Variants in SBK1 observed in about 807,000 individuals in gnomAD.
The protein encoded by SBK1 is serine/threonine-protein kinase SBK1.
SBK1 carries 11 observed loss-of-function variants against 24.4 expected under a neutral mutation model. That is an observed-to-expected ratio of 0.45 (90% CI 0.28 to 0.75). The LOEUF is 0.75. Among genes scored for constraint, SBK1 ranks in the 30% least tolerant of loss-of-function variants. The pLI, the probability that SBK1 is intolerant of heterozygous loss-of-function variation, is 0.12. For missense variants in SBK1, 467 were observed against 620.5 expected (o/e 0.75, Z 2.63); for synonymous variants, 308 against 284.4 (o/e 1.08, Z -0.83).
upstream of SBK1, chr16:28,292,474 G>C: frequency 1.1e-6 from 1 of 939,134 alleles, no homozygotes. Context: ...GCCGGAGGGC[G>C]GAGCCGCGGG....
At chr16:28,275,775 G>T (rs1218079579) in intron 1 of SBK1, among the ~76,000 whole-genome samples, 1 of 152,234 alleles carries the variant, frequency 6.6e-6, no homozygotes, top group Admixed American at 6.5e-5. Flanking sequence ...TACTCAGGAG[G>T]CTGAGGTGGG....
intron 1 of SBK1, among the ~76,000 whole-genome samples, chr16:28,306,248 G>A (rs1011358736): frequency 6.6e-6 from 1 of 152,216 alleles, no homozygotes; most frequent in Non-Finnish European, 1.5e-5. Context: ...TTCCATCATG[G>A]GGGAAGGGGA....
In SBK1 at chr16:28,321,097, A is replaced by G. The variant is rs2044841734; in HGVS notation, c.*176A>G. 1.9e-6 allele frequency: 1 copy of G among 539,960 alleles called. No individual in the cohort carries two copies. Among genetic ancestry groups the G allele is most frequent in the Non-Finnish European group, 2.9e-6 (1 of 349,610 alleles). The allele number at this position is 539,960 out of a possible 1,614,324, so 33.4% of individuals were successfully genotyped here. A position where few individuals can be genotyped will look rare whatever the true frequency, so the allele number is the denominator to read the frequency against. On this transcript the variant is annotated 3_prime_UTR_variant, in exon 4 of 4. Transcript: ENST00000341901. ...CGGCGGGCTGGTGAGGGGGCCACCA[A>G]AGACCCCTAGCGCGGCCTGGTGAGC...
chr16:28,306,477 G>A (rs371693796), intron 1 of SBK1, among the ~76,000 whole-genome samples: 1 of 152,208 alleles, frequency 6.6e-6, no homozygotes, highest in Non-Finnish European at 1.5e-5. Flanking sequence ...GGCACTGTGC[G>A]GGGTGTTGGC....
At chr16:28,282,348 C>T (rs528358587) in intron 1 of SBK1, among the ~76,000 whole-genome samples, 11 of 152,100 alleles carry the variant, frequency 7.2e-5, no homozygotes, top group East Asian at 1.9e-4. Context: ...GGCATTCGCA[C>T]GGAGGGGAAG....
intron 1 of SBK1, among the ~76,000 whole-genome samples, chr16:28,294,844 A>C (rs1418532351): frequency 6.6e-6 from 1 of 152,216 alleles, no homozygotes; most frequent in African/African-American, 2.4e-5. Flanking sequence ...TCTCCTGCCA[A>C]TTTCAGGACA....
chr16:28,261,692 T>G (rs76847656), intron 1 of SBK1, among the ~76,000 whole-genome samples: 1 of 152,072 alleles, frequency 6.6e-6, no homozygotes, highest in African/African-American at 2.4e-5. Flanking sequence ...AATACTACAC[T>G]CCCAGACCCT....
intron 1 of SBK1, among the ~76,000 whole-genome samples, chr16:28,280,725 C>T (rs556485177): frequency 6.6e-6 from 1 of 152,194 alleles, no homozygotes; most frequent in African/African-American, 2.4e-5. Context: ...AGTGCAGTGG[C>T]ATAATCTTGG....
At position 28,303,507 on chromosome 16, in the gene SBK1, CTTTTTTT is replaced by C. The variant is rs143613970; in HGVS notation, c.-8+10226_-8+10232del. On this transcript the variant is annotated intron_variant, in intron 1 of 3. Coordinates refer to ENST00000341901, the MANE Select transcript of SBK1 (RefSeq NM_001024401.3). ...TTTTCTTTTTCTTTTCTTTTCTTTT[CTTTTTTT>C]TTTTTTTTTTTTTTTTTTGAGACAG... 2.1e-3 allele frequency among the ~76,000 whole-genome samples: 120 copies of C among 58,130 alleles called. 2 individuals carry two copies. The highest frequency in any genetic ancestry group is 0.017 in the Middle Eastern group (1 of 60). 38.1% of individuals were successfully genotyped at this position (58,130 alleles called of 152,430 possible). A position where few individuals can be genotyped will look rare whatever the true frequency, so the allele number is the denominator to read the frequency against.
At chr16:28,318,212 TC>T (rs976655520) in intron 2 of SBK1, among the ~76,000 whole-genome samples, 4 of 152,108 alleles carry the variant, frequency 2.6e-5, no homozygotes, top group African/African-American at 9.7e-5. Context: ...GCTTGATACC[TC>T]CCCCACACTG....
chr16:28,306,264 C>T (rs1022375417), intron 1 of SBK1, among the ~76,000 whole-genome samples: 4 of 152,106 alleles, frequency 2.6e-5, no homozygotes, highest in East Asian at 1.9e-4. Flanking sequence ...GGGGAGAGCC[C>T]GCTTGAGAAT....
At chr16:28,271,327 C>T (rs897595669) in intron 1 of SBK1, among the ~76,000 whole-genome samples, 11 of 152,152 alleles carry the variant, frequency 7.2e-5, no homozygotes, top group Admixed American at 7.2e-4. Flanking sequence ...GAGGCCAAAG[C>T]AGGCAGATCA....
chr16:28,267,354 G>A (rs964831935), intron 1 of SBK1, among the ~76,000 whole-genome samples: 2 of 152,118 alleles, frequency 1.3e-5, no homozygotes, highest in African/African-American at 2.4e-5. Flanking sequence ...GCCACTATTC[G>A]TGGCGTATCA....
intron 1 of SBK1, among the ~76,000 whole-genome samples, chr16:28,274,883 T>C (rs1383546750): frequency 6.6e-6 from 1 of 152,014 alleles, no homozygotes; most frequent in African/African-American, 2.4e-5. Context: ...TGGTTGGACA[T>C]AAGGAGCTAA....
At chr16:28,287,364 G>T (rs1196080566) in intron 1 of SBK1, among the ~76,000 whole-genome samples, 1 of 150,350 alleles carries the variant, frequency 6.7e-6, no homozygotes, top group Non-Finnish European at 1.5e-5. Flanking sequence ...CAAGAGAACT[G>T]CTCGAACCTG....
Position 28,319,080 on chromosome 16 carries a change from C to G in SBK1, c.312C>G (p.Leu104=), listed in dbSNP as rs1356116141. The G allele has an allele frequency of 6.2e-7, 1 of 1,614,142 alleles. No individual in the cohort carries two copies. Among genetic ancestry groups the G allele is most frequent in the Non-Finnish European group, 8.5e-7 (1 of 1,179,988 alleles). The change falls in exon 3 of 4, where the codon CTC becomes CTG. Residue 104 remains leucine, a synonymous_variant. Transcript: ENST00000341901. This position sits in a 1 kb window ranked among gnomAD's most constrained non-coding sequence, Gnocchi z 4.0. ...GGGAGGTGAGCATCACCAACAGCCT[C>G]TCCTCCAGCCCCTTCATCATCAAGG... ...FLREVSITNS[L]SSSPFIIKVF... is the part of the protein sequence containing the mutation.
intron 1 of SBK1, among the ~76,000 whole-genome samples, chr16:28,275,097 A>T (rs1382638627): frequency 6.6e-6 from 1 of 152,220 alleles, no homozygotes; most frequent in African/African-American, 2.4e-5. Flanking sequence ...AGGCCGAGGC[A>T]GGAGGATCTC....
At chr16:28,295,337 C>T (rs563029847) in intron 1 of SBK1, among the ~76,000 whole-genome samples, 1 of 152,316 alleles carries the variant, frequency 6.6e-6, no homozygotes, top group Non-Finnish European at 1.5e-5. Context: ...AATTCTCTGC[C>T]TCCGTCACGT....
At position 28,317,978 on chromosome 16, in the gene SBK1, G is replaced by A. The variant is rs2044810176; in HGVS notation, c.226+361G>A. On this transcript the variant is annotated intron_variant, in intron 2 of 3. Transcript: ENST00000341901. The surrounding 1 kb of genome is among the most constrained non-coding windows in gnomAD (Gnocchi z 4.2). ...AGCGTCTCAGGGATGTCTGGCCCCA[G>A]GAAGGTGGATGGAGAGTGAGGGTGG... Among the ~76,000 whole-genome samples the A allele has an allele frequency of 6.6e-6, 1 of 152,162 alleles. No individual in the cohort carries two copies. The highest frequency in any genetic ancestry group is 1.5e-5 in the Non-Finnish European group (1 of 68,020).
Sources: allele counts gnomAD v4.1 joint callset (sites outside exome capture counted in the v4.1 genomes callset), GRCh38; gene constraint gnomAD v4.1.1; non-coding constraint Gnocchi (gnomAD v3.1); transcripts MANE v1.5; gene names NCBI Gene and HGNC (gene_info 2026-07-23, HGNC 2026-07-21).